LIN28B: variants seen among roughly 807,000 people sequenced by gnomAD.
LIN28B encodes the protein protein lin-28 homolog B.
A neutral mutation model predicts 21.9 loss-of-function variants in LIN28B; 5 were observed. The observed-to-expected ratio is 0.23, with a 90% confidence interval of 0.12 to 0.48. The LOEUF (loss-of-function observed/expected upper bound fraction) is 0.48. Ranked by LOEUF, LIN28B falls within the 20% of genes least tolerant of loss-of-function variation. The pLI, the probability that LIN28B is intolerant of heterozygous loss-of-function variation, is 0.98. For missense variants in LIN28B, 245 were observed against 310.5 expected, an observed-to-expected ratio of 0.79 and a Z score of 1.58; for synonymous variants, 109 against 111.3, an observed-to-expected ratio of 0.98 and a Z score of 0.13.
At chr6:105,060,856 CAT>C (rs1334282004) in intron 3 of LIN28B, among the ~76,000 whole-genome samples, 1 of 152,006 alleles carries the variant, frequency 6.6e-6, no homozygotes. Context: ...TACAAGAAAA[CAT>C]AAAAGTGGGA....
At chr6:105,010,603 A>G (rs1270531170) in intron 2 of LIN28B, among the ~76,000 whole-genome samples, 4 of 152,154 alleles carry the variant, frequency 2.6e-5, no homozygotes, top group Non-Finnish European at 5.9e-5. Context: ...CATCTATTAT[A>G]CCTCTGTGGA....
chr6:104,995,027 G>A (rs1296861580), intron 2 of LIN28B, among the ~76,000 whole-genome samples: 1 of 152,176 alleles, frequency 6.6e-6, no homozygotes, highest in South Asian at 2.1e-4. Flanking sequence ...ACTCACTGGA[G>A]CATTTTGGAT....
upstream of LIN28B, among the ~76,000 whole-genome samples, chr6:104,953,431 C>T (rs556475906): frequency 2.0e-5 from 3 of 152,266 alleles, no homozygotes; most frequent in African/African-American, 4.8e-5. Flanking sequence ...AAGTGATATA[C>T]GTCTGGAAAT....
intron 3 of LIN28B, among the ~76,000 whole-genome samples, chr6:105,064,700 C>T (rs1772187045): frequency 6.6e-6 from 1 of 151,910 alleles, no homozygotes; most frequent in Admixed American, 6.6e-5. Context: ...CAAGTATTGC[C>T]CAAACAAATT....
chr6:104,973,185 C>G (rs996069178), intron 2 of LIN28B, among the ~76,000 whole-genome samples: 2 of 151,816 alleles, frequency 1.3e-5, no homozygotes, highest in African/African-American at 2.4e-5. Context: ...TTTCCATCCT[C>G]TCTGTCTTTA....
In LIN28B at chr6:105,078,447, T is replaced by A. The variant is rs1230202292; in HGVS notation, c.417T>A (p.Ala139=). The part of the protein sequence containing the change: ...CYNCGGLDHH[A]KECSLPPQPK... ...ACTGTGGTGGCCTTGATCATCATGC[T>A]AAGGAATGTAGTCTACCTCCTCAGC... The change falls in exon 4 of 4, where the codon GCT becomes GCA. Residue 139 remains alanine, a synonymous_variant. Transcript: ENST00000345080. The A allele has an allele frequency of 2.5e-6, 4 of 1,611,428 alleles. No homozygotes were observed. Among genetic ancestry groups the A allele is most frequent in the African/African-American group, 2.7e-5 (2 of 75,012 alleles).
intron 2 of LIN28B, among the ~76,000 whole-genome samples, chr6:104,996,889 G>T (rs1305431813): frequency 6.6e-6 from 1 of 152,120 alleles, no homozygotes; most frequent in Non-Finnish European, 1.5e-5. Flanking sequence ...GGAAGCTAAG[G>T]TAGGAAGATC....
upstream of LIN28B, among the ~76,000 whole-genome samples, chr6:104,956,058 C>CT (rs1001403204): frequency 6.6e-6 from 1 of 152,078 alleles, no homozygotes; most frequent in Non-Finnish European, 1.5e-5. Flanking sequence ...TGGTAGTGGA[C>CT]TTTTAAAATG....
chr6:104,948,783 A>G (rs1778187012), intron 2 of LIN28B, among the ~76,000 whole-genome samples: 1 of 152,184 alleles, frequency 6.6e-6, no homozygotes, highest in South Asian at 2.1e-4. Flanking sequence ...TTAATTGTGA[A>G]ATAATTTCAT....
chr6:104,993,019 A>C (rs541849094), intron 2 of LIN28B, among the ~76,000 whole-genome samples: 1 of 152,142 alleles, frequency 6.6e-6, no homozygotes, highest in South Asian at 2.1e-4. Context: ...ATCAACCTTC[A>C]TACATGATTT....
intron 3 of LIN28B, among the ~76,000 whole-genome samples, chr6:104,950,978 A>G (rs1778214328): frequency 6.6e-6 from 1 of 152,168 alleles, no homozygotes; most frequent in Admixed American, 6.5e-5. Flanking sequence ...TATATTAGAC[A>G]TTTTGAGGAA....
At chr6:104,940,967 C>G (rs1778079498) in intron 2 of LIN28B, 1 of 152,288 alleles carries the variant, frequency 6.6e-6, no homozygotes, top group Non-Finnish European at 1.5e-5. Flanking sequence ...CACACCCTCT[C>G]CCCCTCTCAC....
In LIN28B at chr6:105,015,873, G is replaced by A. The variant is rs550150084; in HGVS notation, c.199-10425G>A. Reference sequence around the variant, plus strand: ...GTGTTATTAAAATTTCACATGGAGAGGAAAATAGGAAACAAAGCTTACTAT... The same window carrying A: ...GTGTTATTAAAATTTCACATGGAGAAGAAAATAGGAAACAAAGCTTACTAT... On this transcript the variant is annotated intron_variant, in intron 2 of 3. Transcript: ENST00000345080. Among the ~76,000 whole-genome samples, 4 of 152,158 alleles carry A rather than the reference G, an allele frequency of 2.6e-5. No homozygotes were observed. In the South Asian group the frequency reaches 6.2e-4, roughly 24 times the overall value.
intron 2 of LIN28B, among the ~76,000 whole-genome samples, chr6:105,015,564 T>G (rs1305569648): frequency 6.6e-6 from 1 of 152,210 alleles, no homozygotes; most frequent in African/African-American, 2.4e-5. Flanking sequence ...ATCTATCGTT[T>G]TGATATTCTT....
At chr6:105,054,556 G>A (rs1206930254) in intron 3 of LIN28B, among the ~76,000 whole-genome samples, 2 of 152,168 alleles carry the variant, frequency 1.3e-5, no homozygotes, top group Non-Finnish European at 2.9e-5. Flanking sequence ...TGGACAAAAT[G>A]TCTTGGAGAC....
At chr6:105,010,362 CAAAA>C (rs143121695) in intron 2 of LIN28B, among the ~76,000 whole-genome samples, 2 of 104,518 alleles carry the variant, frequency 1.9e-5, no homozygotes, top group Non-Finnish European at 2.0e-5. Flanking sequence ...GACCCTGACT[CAAAA>C]AAAAAAAAAA....
intron 3 of LIN28B, among the ~76,000 whole-genome samples, chr6:105,033,527 G>A (rs1261980302): frequency 2.6e-5 from 4 of 151,856 alleles, no homozygotes; most frequent in African/African-American, 9.7e-5. Context: ...CAACTTTCTG[G>A]TTACTCAAGG....
At chr6:104,973,736 C>T (rs1770025825) in intron 2 of LIN28B, among the ~76,000 whole-genome samples, 1 of 152,146 alleles carries the variant, frequency 6.6e-6, no homozygotes, top group African/African-American at 2.4e-5. Context: ...ATACAGCTGG[C>T]TATTGCTGTC....
chr6:104,950,667 C>T (rs999663235), intron 3 of LIN28B, among the ~76,000 whole-genome samples: 5 of 152,070 alleles, frequency 3.3e-5, no homozygotes, highest in Non-Finnish European at 7.4e-5. Context: ...TCGTCCTGAT[C>T]ACTCCATCTA....
Sources: allele counts gnomAD v4.1 joint callset (sites outside exome capture counted in the v4.1 genomes callset), GRCh38; gene constraint gnomAD v4.1.1; transcripts MANE v1.5; gene names NCBI Gene and HGNC (gene_info 2026-07-23, HGNC 2026-07-21).